Variants in ADGRG6 observed in about 807,000 individuals in gnomAD.
ADGRG6 encodes the protein G-protein coupled receptor 126.
Under a neutral mutation model 142.4 loss-of-function variants are expected in ADGRG6, and 84 were observed. That is an observed-to-expected ratio of 0.59 (90% CI 0.49 to 0.71). The LOEUF (loss-of-function observed/expected upper bound fraction) is 0.71, where lower values mean the gene tolerates loss of function less well. ADGRG6 is among the 30% of genes least tolerant of loss of function. The pLI, the probability that ADGRG6 is intolerant of heterozygous loss-of-function variation, is 0.00. For synonymous variants in ADGRG6, 521 were observed against 520.5 expected (o/e 1.00, Z -0.01); for missense variants, 1,367 against 1,466.6 (o/e 0.93, Z 1.11).
chr6:142,426,574 A>G (rs1776957985), intron 22 of ADGRG6, among the ~76,000 whole-genome samples: 1 of 152,146 alleles, frequency 6.6e-6, no homozygotes, highest in Non-Finnish European at 1.5e-5. Flanking sequence ...CTGTTGGTGG[A>G]TCTACCATTC....
chr6:142,335,855 G>T (rs1779284405), intron 2 of ADGRG6, among the ~76,000 whole-genome samples: 1 of 152,244 alleles, frequency 6.6e-6, no homozygotes, highest in East Asian at 1.9e-4. Context: ...TGGAATCTGA[G>T]AAAAGAAAAT....
At chr6:142,329,726 G>A (rs1193620803) in intron 2 of ADGRG6, among the ~76,000 whole-genome samples, 1 of 152,120 alleles carries the variant, frequency 6.6e-6, no homozygotes, top group East Asian at 1.9e-4. Context: ...TGCCTTGAGG[G>A]TTTCTTTTTC....
intron 15 of ADGRG6, among the ~76,000 whole-genome samples, chr6:142,407,720 G>A (rs1208425341): frequency 1.3e-5 from 2 of 152,202 alleles, no homozygotes; most frequent in African/African-American, 4.8e-5. Context: ...TGGCATGGAT[G>A]TGAAAGATGT....
intron 4 of ADGRG6, among the ~76,000 whole-genome samples, chr6:142,371,878 C>A (rs900586475): frequency 2.0e-5 from 3 of 152,168 alleles, no homozygotes; most frequent in Non-Finnish European, 4.4e-5. Flanking sequence ...AAATAAACAA[C>A]CAGCACCTAA....
intron 2 of ADGRG6, among the ~76,000 whole-genome samples, chr6:142,366,394 C>T (rs1299412450): frequency 1.3e-5 from 2 of 152,170 alleles, no homozygotes; most frequent in Non-Finnish European, 1.5e-5. Context: ...TTCCTGTGAT[C>T]TGCGGTGCTA....
chr6:142,417,854 G>A (rs1292129217), intron 21 of ADGRG6, among the ~76,000 whole-genome samples: 1 of 152,046 alleles, frequency 6.6e-6, no homozygotes, highest in African/African-American at 2.4e-5. Flanking sequence ...TGTTCAGTTT[G>A]GGCAGTTACC....
chr6:142,402,691 A>G lies in ADGRG6; in HGVS notation c.1816A>G (p.Ile606Val), dbSNP rs1172550096. ...ADGQNLTSANITNIVEQVKRI... is the reference protein window; with the variant it reads ...ADGQNLTSANVTNIVEQVKRI... ...TGGGCAGAACTTAACCTCAGCCAATATTACCAACATTGTGGAACAGGTCAA... is the reference window on the plus strand; with the variant it reads ...TGGGCAGAACTTAACCTCAGCCAATGTTACCAACATTGTGGAACAGGTCAA... The change falls in exon 13 of 25, where the codon ATT becomes GTT. Residue 606 changes from isoleucine (I) to valine (V), a missense_variant. By Grantham distance (29) the Ile-to-Val change is conservative. This residue lies in a region of ADGRG6 where 737 missense variants were observed against 746.5 expected (regional missense o/e 0.99). Coordinates refer to ENST00000367609, the MANE Select transcript of ADGRG6 (RefSeq NM_198569.3). 7 of 1,609,274 alleles carry G rather than the reference A, an allele frequency of 4.3e-6. No homozygotes were observed. The highest frequency in any genetic ancestry group is 4.3e-6 in the Non-Finnish European group (5 of 1,176,464).
chr6:142,367,539 C>T lies in ADGRG6; in HGVS notation c.104-30C>T, dbSNP rs376097107. On this transcript the variant is annotated intron_variant, in intron 2 of 24. Transcript: ENST00000367609. ...TTGCATGCATCTGAACCCAGCCCTTCTCTCTGTCTCTCTTTTGTCTGGCCA... is the reference window on the plus strand; with the variant it reads ...TTGCATGCATCTGAACCCAGCCCTTTTCTCTGTCTCTCTTTTGTCTGGCCA... The T allele has an allele frequency of 6.3e-6, 10 of 1,578,460 alleles. No homozygotes were observed. The East Asian group carries it at 1.4e-4, about 21-fold the overall frequency.
intron 2 of ADGRG6, among the ~76,000 whole-genome samples, chr6:142,336,842 T>G (rs1205892960): frequency 4.6e-5 from 7 of 152,220 alleles, no homozygotes; most frequent in African/African-American, 1.7e-4. Context: ...AGAACTGAAG[T>G]GAGAAATGGC....
At chr6:142,330,295 A>G (rs1370038562) in intron 2 of ADGRG6, among the ~76,000 whole-genome samples, 2 of 152,066 alleles carry the variant, frequency 1.3e-5, no homozygotes, top group Non-Finnish European at 2.9e-5. Flanking sequence ...CCGTGACCCA[A>G]ATTTACCTGT....
intron 22 of ADGRG6, among the ~76,000 whole-genome samples, chr6:142,425,343 G>A (rs1008990640): frequency 1.4e-4 from 21 of 152,166 alleles, no homozygotes; most frequent in Non-Finnish European, 2.9e-4. Context: ...GGATGAGAGA[G>A]CTAGAGAGAT....
At chr6:142,400,660 T>A in intron 11 of ADGRG6, 64 bp downstream of exon 11, 1 of 804,326 alleles carries the variant, frequency 1.2e-6, no homozygotes, top group Non-Finnish European at 2.2e-6. Flanking sequence ...GGGTTATACG[T>A]GCAGCACGGT....
intron 22 of ADGRG6, among the ~76,000 whole-genome samples, chr6:142,436,580 T>G (rs1257241565): frequency 6.6e-6 from 1 of 152,116 alleles, no homozygotes; most frequent in South Asian, 2.1e-4. Context: ...ATAAAGAGAT[T>G]GAAGCTGGAA....
chr6:142,383,840 A>G lies in ADGRG6; in HGVS notation c.1219A>G (p.Asn407Asp), dbSNP rs759609818. Residue 407 changes from asparagine (N) to aspartate (D), a missense_variant, in exon 6 of 25, where the codon AAT (asparagine) becomes GAT (aspartate). By Grantham distance (23) the Asn-to-Asp change is conservative. Around this residue, in one of 3 missense-constraint regions of ADGRG6, gnomAD observed 737 missense variants for 746.5 expected, o/e 0.99. Coordinates refer to ENST00000367609, the MANE Select transcript of ADGRG6 (RefSeq NM_198569.3). ...TACTAACAGAATCGATAAACAAAGG[A>G]ATGGTAAGAAATCATTACCTTTTAT... The part of the protein sequence containing the change: ...PVTNRIDKQR[N>D]DGIIYRISVV... 6 of 1,465,984 alleles carry G rather than the reference A, an allele frequency of 4.1e-6. No individual in the cohort carries two copies. The African/African-American group carries it at 8.3e-5, about 20-fold the overall frequency. 90.8% of individuals were successfully genotyped at this position (1,465,984 alleles called of 1,614,324 possible).
chr6:142,411,049 A>G (rs1252341186), intron 17 of ADGRG6, among the ~76,000 whole-genome samples: 2 of 152,112 alleles, frequency 1.3e-5, no homozygotes, highest in African/African-American at 4.8e-5. Flanking sequence ...TTAAACTTGA[A>G]TCAAACATTT....
At chr6:142,357,035 G>A (rs1780479715) in intron 2 of ADGRG6, among the ~76,000 whole-genome samples, 1 of 152,174 alleles carries the variant, frequency 6.6e-6, no homozygotes, top group Non-Finnish European at 1.5e-5. Flanking sequence ...TGTAAGTTTA[G>A]GTCTGGGGAA....
At chr6:142,340,089 A>G (rs1274946483) in intron 2 of ADGRG6, among the ~76,000 whole-genome samples, 1 of 152,144 alleles carries the variant, frequency 6.6e-6, no homozygotes, top group Non-Finnish European at 1.5e-5. Context: ...GCATATGAAC[A>G]ATAGCTTATA....
At chr6:142,315,967 A>G (rs761042509) in intron 2 of ADGRG6, among the ~76,000 whole-genome samples, 8 of 152,120 alleles carry the variant, frequency 5.3e-5, no homozygotes, top group Non-Finnish European at 1.2e-4. Context: ...GGAATAAAGT[A>G]TCCCAGTGGG....
rs182239749 is a variant in ADGRG6 at position 142,427,213 on chromosome 6, A to C, written c.3319+7109A>C. 3.3e-5 allele frequency among the ~76,000 whole-genome samples: 5 copies of C among 152,218 alleles called. No homozygotes were observed. In the East Asian group the frequency reaches 5.8e-4, roughly 18 times the overall value. ...CTTTAATGCTCTGTTTCCCTTTTGAAACTGAATGATTTTAACAGCACTCAG... is the reference window on the plus strand; with the variant it reads ...CTTTAATGCTCTGTTTCCCTTTTGACACTGAATGATTTTAACAGCACTCAG... On this transcript the variant is annotated intron_variant, in intron 22 of 24. Transcript: ENST00000367609.
Sources: allele counts gnomAD v4.1 joint callset (sites outside exome capture counted in the v4.1 genomes callset), GRCh38; gene constraint gnomAD v4.1.1; regional missense constraint gnomAD v4.1.1; transcripts MANE v1.5; gene names NCBI Gene and HGNC (gene_info 2026-07-23, HGNC 2026-07-21).